The following NR5A2 variants were observed in gnomAD, a reference collection of about 807,000 sequenced individuals.
NR5A2 encodes the protein CYP7A promoter-binding factor.
Under a neutral mutation model 62.7 loss-of-function variants are expected in NR5A2, and 26 were observed. The observed-to-expected ratio is 0.41, with a 90% CI of 0.30 to 0.58. NR5A2 has a LOEUF of 0.58. Ranked by LOEUF, NR5A2 falls within the 20% of genes least tolerant of loss-of-function variation. The pLI, the probability that NR5A2 is intolerant of heterozygous loss-of-function variation, is 0.22. For synonymous variants in NR5A2, 246 were observed against 241.7 expected (o/e 1.02, Z -0.16); for missense variants, 541 against 669.1 (o/e 0.81, Z 2.11).
chr1:200,054,030 G>C (rs192110821), intron 5 of NR5A2: 45 of 152,334 alleles, frequency 3.0e-4, no homozygotes, highest in Non-Finnish European at 2.9e-5. Flanking sequence ...TGTTACGTAT[G>C]CTTGTCGAGA....
Position 200,039,869 on chromosome 1 carries a change from T to C in NR5A2, c.202+74T>C, listed in dbSNP as rs1571698935. On this transcript the variant is annotated intron_variant, in intron 2 of 7. Coordinates refer to ENST00000367362, the MANE Select transcript of NR5A2 (RefSeq NM_205860.3). This position sits in a 1 kb window ranked among gnomAD's most constrained non-coding sequence, Gnocchi z 5.1. The stretch of plus-strand genomic sequence containing the variant: ...CGGGCTCGCCCTGCAGGCTTCAGCC[T>C]CCCGCCCCGCGCGGGCGCGGGAGTA... The C allele has an allele frequency of 8.8e-6, 13 of 1,473,340 alleles. No individual in the cohort carries two copies. The highest frequency in any genetic ancestry group is 2.7e-6 in the Non-Finnish European group (3 of 1,121,334). The allele number at this position is 1,473,340 out of a possible 1,614,324, so 91.3% of individuals were successfully genotyped here. A position where few individuals can be genotyped will look rare whatever the true frequency, so the allele number is the denominator to read the frequency against.
At chr1:200,094,524 CTTTTTTTTT>C (rs373809748) in intron 5 of NR5A2, among the ~76,000 whole-genome samples, 1 of 59,802 alleles carries the variant, frequency 1.7e-5, no homozygotes, top group African/African-American at 7.4e-5. Context: ...TTAAATGCCA[CTTTTTTTTT>C]TTTTTTTTTT....
intron 7 of NR5A2, among the ~76,000 whole-genome samples, chr1:200,148,758 A>G (rs1371702514): frequency 1.3e-5 from 2 of 152,188 alleles, no homozygotes; most frequent in African/African-American, 4.8e-5. Flanking sequence ...TAGCTAAATA[A>G]TCTACACAAA....
At chr1:200,146,961 C>CTTTT (rs34977677) in intron 7 of NR5A2, among the ~76,000 whole-genome samples, 58 of 147,002 alleles carry the variant, frequency 3.9e-4, no homozygotes, top group African/African-American at 1.3e-3. Flanking sequence ...TCCTTGTATC[C>CTTTT]TTTTTTTTTT....
intron 1 of NR5A2, among the ~76,000 whole-genome samples, chr1:200,036,676 G>T (rs1661791800): frequency 6.6e-6 from 1 of 152,140 alleles, no homozygotes; most frequent in South Asian, 2.1e-4. Context: ...TCCTTCCAGG[G>T]GATCTGAAAT....
At chr1:200,163,221 G>A (rs1403982054) in intron 7 of NR5A2, among the ~76,000 whole-genome samples, 22 of 141,436 alleles carry the variant, frequency 1.6e-4, no homozygotes, top group Admixed American at 1.5e-3. Flanking sequence ...TAAAAATAAA[G>A]TTGGCCATGA....
At chr1:200,099,992 G>T (rs1553272088) in intron 5 of NR5A2, among the ~76,000 whole-genome samples, 1 of 152,184 alleles carries the variant, frequency 6.6e-6, no homozygotes, top group Non-Finnish European at 1.5e-5. Flanking sequence ...TTAGAAAAAT[G>T]ACCATCATAT....
At chr1:200,061,813 T>C (rs575232706) in intron 5 of NR5A2, among the ~76,000 whole-genome samples, 7 of 152,220 alleles carry the variant, frequency 4.6e-5, no homozygotes, top group Admixed American at 2.6e-4. Flanking sequence ...GTGTTCGTTA[T>C]TAAATTCTAT....
At chr1:200,031,881 C>T (rs1661563766) in intron 1 of NR5A2, among the ~76,000 whole-genome samples, 1 of 152,164 alleles carries the variant, frequency 6.6e-6, no homozygotes, top group Admixed American at 6.5e-5. Context: ...CACCTGGCAT[C>T]TTTAACACCT....
chr1:200,137,993 A>C (rs955551546), intron 7 of NR5A2, among the ~76,000 whole-genome samples: 1 of 152,152 alleles, frequency 6.6e-6, no homozygotes, highest in African/African-American at 2.4e-5. Flanking sequence ...GTCTTACAAA[A>C]GAATAGGGTT....
intron 5 of NR5A2, among the ~76,000 whole-genome samples, chr1:200,054,968 C>T (rs903589570): frequency 9.2e-5 from 14 of 151,854 alleles, no homozygotes; most frequent in Non-Finnish European, 1.9e-4. Context: ...ATGATCATAG[C>T]TCACTGCAGC....
At chr1:200,141,012 C>A (rs552375998) in intron 7 of NR5A2, among the ~76,000 whole-genome samples, 1 of 147,656 alleles carries the variant, frequency 6.8e-6, no homozygotes, top group South Asian at 2.2e-4. Flanking sequence ...GCCTGGGCAA[C>A]AAGAGATAAC....
At chr1:200,122,207 G>A (rs1009660549) in intron 7 of NR5A2, among the ~76,000 whole-genome samples, 2 of 152,168 alleles carry the variant, frequency 1.3e-5, no homozygotes, top group African/African-American at 4.8e-5. Flanking sequence ...TTCTGTTCAA[G>A]TAAGTCTGCA....
At chr1:200,103,452 G>A (rs1665493197) in intron 5 of NR5A2, among the ~76,000 whole-genome samples, 6 of 152,080 alleles carry the variant, frequency 3.9e-5, no homozygotes, top group Admixed American at 3.9e-4. Flanking sequence ...GTGCCTGAGA[G>A]TACAATGTAA....
chr1:200,174,066 G>A lies in NR5A2; in HGVS notation c.1482G>A (p.Glu494=). ...YTMCNYPQQT[E]KFGQLLLRLP... ...TGTGTAACTACCCGCAGCAGACAGA[G>A]AAATTTGGACAGCTACTTCTTCGAC... The change falls in exon 8 of 8, where the codon GAG becomes GAA. Residue 494 remains glutamate, a synonymous_variant. Coordinates refer to ENST00000367362, the MANE Select transcript of NR5A2 (RefSeq NM_205860.3). 3 of 1,613,256 alleles carry A rather than the reference G, an allele frequency of 1.9e-6. No individual in the cohort carries two copies. The highest frequency in any genetic ancestry group is 2.5e-6 in the Non-Finnish European group (3 of 1,179,884).
Position 200,063,093 on chromosome 1 carries a change from G to A in NR5A2, c.1110+14275G>A, listed in dbSNP as rs141441574. ...GGCTGGAGTGCAGTGTCGCGATTTC[G>A]GCTCACTGCAACCCCTGCCTCCCAG... On this transcript the variant is annotated intron_variant, in intron 5 of 7. Coordinates refer to ENST00000367362, the MANE Select transcript of NR5A2 (RefSeq NM_205860.3). Among the ~76,000 whole-genome samples the A allele has an allele frequency of 7.2e-3, 1,086 of 150,936 alleles. 10 individuals are homozygous for A. The highest frequency in any genetic ancestry group is 0.025 in the African/African-American group (1,030 of 41,018).
chr1:200,162,224 A>G (rs1558176985), intron 7 of NR5A2, among the ~76,000 whole-genome samples: 2 of 152,234 alleles, frequency 1.3e-5, no homozygotes, highest in Admixed American at 6.5e-5. Flanking sequence ...ATTACCATGT[A>G]ATACCCAATG....
At position 200,111,436 on chromosome 1, in the gene NR5A2, T is replaced by G. The variant is rs1026780823; in HGVS notation, c.1230+115T>G. The stretch of plus-strand genomic sequence containing the variant: ...TGTGCTTTGAAAGGGAGAGATTGGC[T>G]GCCAATAATTTAGAAAAGATGACTT... On this transcript the variant is annotated intron_variant, in intron 6 of 7. Transcript: ENST00000367362. 1.1e-5 allele frequency: 13 copies of G among 1,161,642 alleles called. No individual in the cohort carries two copies. The African/African-American group carries it at 1.7e-4, about 16-fold the overall frequency. The allele number at this position is 1,161,642 out of a possible 1,614,324, so 72.0% of individuals were successfully genotyped here.
At chr1:200,108,346 G>A (rs772287515) in intron 5 of NR5A2, among the ~76,000 whole-genome samples, 2 of 152,102 alleles carry the variant, frequency 1.3e-5, no homozygotes, top group Non-Finnish European at 2.9e-5. Flanking sequence ...CCAAAGTGTT[G>A]GGATTATGGC....
Sources: gnomAD v4.1 joint callset for allele counts (sites outside exome capture counted in the v4.1 genomes callset) on GRCh38, gnomAD v4.1.1 for gene constraint, Gnocchi (gnomAD v3.1) non-coding constraint, MANE v1.5 for transcripts, NCBI Gene and HGNC (gene_info 2026-07-23, HGNC 2026-07-21) for gene names.